USP4: variants seen among roughly 807,000 people sequenced by gnomAD.
USP4 encodes ubiquitin specific peptidase 4, also known as ubiquitin carboxyl-terminal hydrolase 4.
Under a neutral mutation model 118.2 loss-of-function variants are expected in USP4, and 72 were observed. That is an observed-to-expected ratio of 0.61 (90% CI 0.50 to 0.74). The LOEUF (loss-of-function observed/expected upper bound fraction) is 0.74. Among genes scored for constraint, USP4 ranks in the 30% least tolerant of loss-of-function variants. The pLI, the probability that USP4 is intolerant of heterozygous loss-of-function variation, is 0.00. For synonymous variants in USP4, 415 were observed against 440.4 expected, an observed-to-expected ratio of 0.94 and a Z score of 0.72; for missense variants, 1,037 against 1,185.7, an observed-to-expected ratio of 0.87 and a Z score of 1.84.
intron 21 of USP4, 71 bp from the exon 22 acceptor site, chr3:49,278,522 G>A (rs1166956331): frequency 6.5e-7 from 1 of 1,549,780 alleles, no homozygotes; most frequent in African/African-American, 1.4e-5. Context: ...CTTTTCTCTA[G>A]CTGTCCAAAA....
intron 8 of USP4, among the ~76,000 whole-genome samples, chr3:49,307,881 TAGTCCC>T (rs1280500992): frequency 6.6e-6 from 1 of 152,022 alleles, no homozygotes; most frequent in Non-Finnish European, 1.5e-5. Flanking sequence ...TACACACTTG[TAGTCCC>T]AGCTATTTGG....
At chr3:49,288,833 G>C (rs2047125235) in intron 15 of USP4, among the ~76,000 whole-genome samples, 1 of 151,696 alleles carries the variant, frequency 6.6e-6, no homozygotes, top group South Asian at 2.1e-4. Context: ...GGTTATGCCG[G>C]GCACAATGGC....
chr3:49,292,530 C>A lies in USP4; in HGVS notation c.1952G>T (p.Gly651Val). ...CTCACCTTCACAGCTGTTCCTGGAG[C>A]CATTGCAGGCCCCTGGCTCCAAGGG... ...SSPLEPGACNGSRNSCEGEDE... is the reference protein window; with the variant it reads ...SSPLEPGACNVSRNSCEGEDE... Residue 651 changes from glycine to valine, a missense_variant, in exon 15 of 22, where the codon GGC becomes GTC. By Grantham distance (109) the Gly-to-Val change is moderately radical. Coordinates refer to ENST00000265560, the MANE Select transcript of USP4 (RefSeq NM_003363.4). 2 of 1,593,300 alleles carry A rather than the reference C, an allele frequency of 1.3e-6. No homozygotes were observed. Among genetic ancestry groups the A allele is most frequent in the Non-Finnish European group, 8.6e-7 (1 of 1,169,108 alleles).
chr3:49,339,623 G>T (rs1204211060), intron 1 of USP4, among the ~76,000 whole-genome samples: 1 of 152,174 alleles, frequency 6.6e-6, no homozygotes. Flanking sequence ...GAGTCCTCAT[G>T]GTAAAGGGCT....
rs180731721 is a variant in USP4 at position 49,308,717 on chromosome 3, A to G, written c.954+1903T>C. Among the ~76,000 whole-genome samples, 18 of 151,596 alleles carry G rather than the reference A, an allele frequency of 1.2e-4. No individual in the cohort carries two copies. The East Asian group carries it at 3.5e-3, about 30-fold the overall frequency. Reference sequence around the variant, plus strand: ...TGCAGTACTCCATATGCATCATTACACATCAATGCCAGGAAATCACCATGT... The same window carrying G: ...TGCAGTACTCCATATGCATCATTACGCATCAATGCCAGGAAATCACCATGT... On this transcript the variant is annotated intron_variant, in intron 8 of 21. Transcript: ENST00000265560.
Position 49,277,934 on chromosome 3 carries a change from C to T in USP4, c.*359G>A. ...CCAGAAATCCAGGCGCTCAGGGCAGCCCTGCAGGTGGGGTGGGTCTCCAGG... is the reference window on the plus strand; with the variant it reads ...CCAGAAATCCAGGCGCTCAGGGCAGTCCTGCAGGTGGGGTGGGTCTCCAGG... On this transcript the variant is annotated 3_prime_UTR_variant, in exon 22 of 22. Transcript: ENST00000265560. 2 of 405,580 alleles carry T rather than the reference C, an allele frequency of 4.9e-6. No individual in the cohort carries two copies. Among genetic ancestry groups the T allele is most frequent in the Non-Finnish European group, 8.6e-6 (2 of 231,294 alleles). The allele number at this position is 405,580 out of a possible 1,614,324, so 25.1% of individuals were successfully genotyped here.
At chr3:49,307,086 A>T (rs1218079023) in intron 8 of USP4, among the ~76,000 whole-genome samples, 1 of 152,198 alleles carries the variant, frequency 6.6e-6, no homozygotes, top group Non-Finnish European at 1.5e-5. Flanking sequence ...AATAATTTCA[A>T]AACCCAAGGG....
At chr3:49,312,512 C>T (rs771026027) in intron 6 of USP4, 3 of 452,100 alleles carry the variant, frequency 6.6e-6, no homozygotes, top group African/African-American at 4.0e-5. Context: ...TGGCGCTACT[C>T]GGGAAGCTGA....
chr3:49,298,060 T>C, intron 12 of USP4, 96 bp from the exon 13 acceptor site: 2 of 815,794 alleles, frequency 2.5e-6, no homozygotes, highest in Non-Finnish European at 2.0e-6. Context: ...AAAATACTCA[T>C]ACTCAAATGT....
chr3:49,316,781 T>A (rs953166942), intron 6 of USP4: 1 of 459,030 alleles, frequency 2.2e-6, no homozygotes, highest in Non-Finnish European at 3.9e-6. Context: ...GGGACCTCCA[T>A]GGTGCTCAGA....
chr3:49,327,419 C>A (rs892584288), intron 3 of USP4, among the ~76,000 whole-genome samples: 4 of 152,062 alleles, frequency 2.6e-5, no homozygotes, highest in Admixed American at 2.6e-4. Context: ...GCCTGTAATC[C>A]CAGCTACTCA....
intron 8 of USP4, among the ~76,000 whole-genome samples, chr3:49,307,369 T>C (rs1484487732): frequency 1.3e-5 from 2 of 151,226 alleles, no homozygotes; most frequent in African/African-American, 2.4e-5. Context: ...TGAGCCAAGA[T>C]TGCACCACTG....
In USP4 at chr3:49,298,954, T is replaced by C. The variant is rs1456170278; in HGVS notation, c.1513-319A>G. On this transcript the variant is annotated intron_variant, in intron 11 of 21. Coordinates refer to ENST00000265560, the MANE Select transcript of USP4 (RefSeq NM_003363.4). ...ATTCAAATTGCCATCTGGTCCTACC[T>C]TTTTATTTTATTTTTATTTTTTGTA... Among the ~76,000 whole-genome samples, 4 of 152,308 alleles carry C rather than the reference T, an allele frequency of 2.6e-5. No individual in the cohort carries two copies. In the South Asian group the frequency reaches 8.3e-4, roughly 32 times the overall value.
chr3:49,320,381 G>A (rs1290599615), intron 6 of USP4, among the ~76,000 whole-genome samples: 1 of 152,156 alleles, frequency 6.6e-6, no homozygotes, highest in African/African-American at 2.4e-5. Flanking sequence ...GGCAGAGGTT[G>A]CAGTGAGCCA....
chr3:49,293,101 G>A (rs2047167333), intron 14 of USP4, among the ~76,000 whole-genome samples: 2 of 152,158 alleles, frequency 1.3e-5, no homozygotes, highest in African/African-American at 2.4e-5. Context: ...CAAATGGCCA[G>A]GCATGGTGGC....
chr3:49,328,366 T>C (rs1382597803), intron 2 of USP4, among the ~76,000 whole-genome samples: 1 of 151,728 alleles, frequency 6.6e-6, no homozygotes, highest in African/African-American at 2.4e-5. Flanking sequence ...CAAAAATAAA[T>C]AAATCATACA....
At chr3:49,284,696 C>T in intron 17 of USP4, 112 bp from the exon 18 acceptor site, 1 of 1,240,602 alleles carries the variant, frequency 8.1e-7, no homozygotes, top group South Asian at 1.3e-5. Context: ...TCTAGAGCCT[C>T]TGAATATAAA....
intron 9 of USP4, among the ~76,000 whole-genome samples, chr3:49,302,748 G>A (rs2047274473): frequency 6.6e-6 from 1 of 152,202 alleles, no homozygotes; most frequent in Non-Finnish European, 1.5e-5. Context: ...GAGCCAGGAG[G>A]ATGAACCTGG....
At chr3:49,317,613 C>A in intron 6 of USP4, 1 of 582,792 alleles carries the variant, frequency 1.7e-6, no homozygotes, top group Non-Finnish European at 3.0e-6. Context: ...GTGATATCGG[C>A]TCACTGCATG....
Sources: gnomAD v4.1 joint callset for allele counts (sites outside exome capture counted in the v4.1 genomes callset) on GRCh38, gnomAD v4.1.1 for gene constraint, MANE v1.5 for transcripts, NCBI Gene and HGNC (gene_info 2026-07-23, HGNC 2026-07-21) for gene names.